Variants in NOCT observed in about 807,000 individuals in gnomAD.
NOCT encodes nocturnin, also known as CCR4 carbon catabolite repression 4-like.
Under a neutral mutation model 35.0 loss-of-function variants are expected in NOCT, and 18 were observed. The observed-to-expected ratio is 0.51, with a 90% confidence interval of 0.36 to 0.76. The LOEUF is 0.76. Ranked by LOEUF, NOCT falls within the 30% of genes least tolerant of loss-of-function variation. The pLI is 0.01. For synonymous variants in NOCT, 235 were observed against 226.3 expected, an observed-to-expected ratio of 1.04 and a Z score of -0.34; for missense variants, 479 against 541.0, an observed-to-expected ratio of 0.89 and a Z score of 1.14.
chr4:139,025,661 C>T lies in NOCT; in HGVS notation c.190+9490C>T, dbSNP rs567656036. 1.4e-4 allele frequency among the ~76,000 whole-genome samples: 22 copies of T among 152,144 alleles called. No homozygotes were observed. In the South Asian group the frequency reaches 4.6e-3, roughly 32 times the overall value. ...ACTAAAAATACAAAAATTAGCCATG[C>T]GTGGTGGCGGGTGCCTGTAATCCCA... On this transcript the variant is annotated intron_variant, in intron 1 of 2. Transcript: ENST00000280614.
At chr4:139,031,694 G>T (rs1407647753) in intron 1 of NOCT, among the ~76,000 whole-genome samples, 1 of 152,008 alleles carries the variant, frequency 6.6e-6, no homozygotes, top group Non-Finnish European at 1.5e-5. Flanking sequence ...ATATATTTGT[G>T]ATTAGCCCAC....
At chr4:139,034,141 A>G (rs1436140480) in intron 1 of NOCT, among the ~76,000 whole-genome samples, 1 of 152,114 alleles carries the variant, frequency 6.6e-6, no homozygotes, top group African/African-American at 2.4e-5. Context: ...GTGTCATGCC[A>G]TGGCCAAAGA....
intron 1 of NOCT, among the ~76,000 whole-genome samples, chr4:139,031,683 A>C (rs148476153): frequency 6.6e-6 from 1 of 151,952 alleles, no homozygotes; most frequent in Non-Finnish European, 1.5e-5. Context: ...CATATATTCA[A>C]ATATATTTGT....
rs770629657 is a variant in NOCT, at chr4:139,044,802, T to C, written c.624T>C (p.Ser208=). 1 of 1,614,190 alleles carries C rather than the reference T, an allele frequency of 6.2e-7. No individual in the cohort carries two copies. Among genetic ancestry groups the C allele is most frequent in the Middle Eastern group, 1.6e-4 (1 of 6,062 alleles). ...TTGACACCTTCCAGCCACTCCTCAG[T>C]AGACTAGGCTATCAAGGCACGTTTT... ...HYFDTFQPLL[S]RLGYQGTFFP... is the part of the protein sequence containing the mutation. The change falls in exon 3 of 3, where the codon AGT becomes AGC. Residue 208 remains serine (S), a synonymous_variant. Coordinates refer to ENST00000280614, the MANE Select transcript of NOCT (RefSeq NM_012118.4).
chr4:139,020,746 T>G (rs1726393942), intron 1 of NOCT, among the ~76,000 whole-genome samples: 2 of 152,198 alleles, frequency 1.3e-5, no homozygotes, highest in African/African-American at 4.8e-5. Flanking sequence ...TGAGAAGCTC[T>G]GGAGAGGATT....
intron 2 of NOCT, chr4:139,043,899 G>A (rs1056221841): frequency 3.3e-5 from 5 of 151,544 alleles, no homozygotes; most frequent in African/African-American, 9.7e-5. Context: ...TGGGCAACAA[G>A]ATCGAGGTTG....
intron 1 of NOCT, among the ~76,000 whole-genome samples, chr4:139,017,677 C>G (rs1379594314): frequency 1.3e-5 from 2 of 151,716 alleles, no homozygotes. Context: ...CGCCTGTAAT[C>G]CCAGCTACTC....
chr4:139,044,518 C>T lies in NOCT; in HGVS notation c.461-121C>T, dbSNP rs1033635246. The T allele has an allele frequency of 3.3e-5, 21 of 631,460 alleles. No homozygotes were observed. In the Admixed American group the frequency reaches 4.0e-4, roughly 12 times the overall value. The allele number at this position is 631,460 out of a possible 1,614,324, so 39.1% of individuals were successfully genotyped here. A position where few individuals can be genotyped will look rare whatever the true frequency, so the allele number is the denominator to read the frequency against. The stretch of plus-strand genomic sequence containing the variant: ...GGGGTAATACAGTTTGGACAGAGAG[C>T]CACTCCAAGCATTTAAAGCAGAGGA... On this transcript the variant is annotated intron_variant, in intron 2 of 2. Transcript: ENST00000280614.
intron 1 of NOCT, among the ~76,000 whole-genome samples, chr4:139,025,764 A>G (rs1035073814): frequency 2.6e-5 from 4 of 151,260 alleles, no homozygotes. Flanking sequence ...AGATGGCGCC[A>G]TTGCACTCCA....
chr4:139,019,086 C>T (rs1018725290), intron 1 of NOCT, among the ~76,000 whole-genome samples: 2 of 152,118 alleles, frequency 1.3e-5, no homozygotes, highest in Non-Finnish European at 2.9e-5. Context: ...AAGGTTCTCT[C>T]GCACTGTTGC....
intron 1 of NOCT, among the ~76,000 whole-genome samples, 164 bp downstream of exon 1, chr4:139,016,335 C>G (rs1254841279): frequency 6.6e-6 from 1 of 152,090 alleles, no homozygotes; most frequent in East Asian, 1.9e-4. Context: ...CCTTTTTCCT[C>G]TTTCCCTGTT....
At chr4:139,038,149 G>A (rs1217812464) in intron 1 of NOCT, among the ~76,000 whole-genome samples, 4 of 151,224 alleles carry the variant, frequency 2.6e-5, no homozygotes, top group Admixed American at 1.3e-4. Context: ...GCAGTGAGCC[G>A]AGATCACGCC....
intron 1 of NOCT, among the ~76,000 whole-genome samples, chr4:139,020,503 A>G (rs1560728629): frequency 6.6e-6 from 1 of 152,176 alleles, no homozygotes; most frequent in Admixed American, 6.6e-5. Context: ...TGGCGCTCGC[A>G]TGCAGGAGCT....
chr4:139,031,226 G>C (rs1329098865), intron 1 of NOCT, among the ~76,000 whole-genome samples: 1 of 151,166 alleles, frequency 6.6e-6, no homozygotes, highest in African/African-American at 2.4e-5. Flanking sequence ...CTCAGCTTAC[G>C]GCAGGCTCTG....
At chr4:139,025,803 C>CA (rs113895475) in intron 1 of NOCT, among the ~76,000 whole-genome samples, 43,542 of 128,754 alleles carry the variant, frequency 0.34, 6,558 homozygotes, top group African/African-American at 0.4. Context: ...GACTCCGTCT[C>CA]AAAAAAAAAA....
intron 1 of NOCT, among the ~76,000 whole-genome samples, chr4:139,020,413 G>C (rs1335539585): frequency 6.6e-6 from 1 of 152,180 alleles, no homozygotes; most frequent in Non-Finnish European, 1.5e-5. Context: ...GGTGAAAAAG[G>C]AGGGTGTTTT....
intron 1 of NOCT, among the ~76,000 whole-genome samples, chr4:139,025,581 C>T (rs1283211498): frequency 6.6e-6 from 1 of 152,066 alleles, no homozygotes; most frequent in Non-Finnish European, 1.5e-5. Context: ...GAGGCCAAGG[C>T]GGGCAGATTG....
rs1425728474 is a variant in NOCT at position 139,043,250 on chromosome 4, C to T, written c.367C>T (p.Pro123Ser). 1 of 1,614,184 alleles carries T rather than the reference C, an allele frequency of 6.2e-7. No homozygotes were observed. The highest frequency in any genetic ancestry group is 8.5e-7 in the Non-Finnish European group (1 of 1,180,008). ...CAGGGCCGTCCTGCACACCCGACCT[C>T]CCCGGTTCCAGAGGGATTTTGTGGA... is the stretch of plus-strand genomic sequence containing the variant. ...ECRAVLHTRPPRFQRDFVDLR... is the reference protein window; with the variant it reads ...ECRAVLHTRPSRFQRDFVDLR... Residue 123 changes from proline to serine, a missense_variant, in exon 2 of 3, where the codon CCC (proline) becomes TCC (serine). This residue lies in a region of NOCT where 265 missense variants were observed against 257.0 expected (regional missense o/e 1.03). Coordinates refer to ENST00000280614, the MANE Select transcript of NOCT (RefSeq NM_012118.4).
chr4:139,017,655 C>T (rs1726339018), intron 1 of NOCT, among the ~76,000 whole-genome samples: 1 of 151,252 alleles, frequency 6.6e-6, no homozygotes, highest in Non-Finnish European at 1.5e-5. Flanking sequence ...TGGGCTTGGG[C>T]GTGGTGGCAC....
Sources: allele counts gnomAD v4.1 joint callset (sites outside exome capture counted in the v4.1 genomes callset), GRCh38; gene constraint gnomAD v4.1.1; regional missense constraint gnomAD v4.1.1; transcripts MANE v1.5; gene names NCBI Gene and HGNC (gene_info 2026-07-23, HGNC 2026-07-21).